STRN: variants seen among roughly 807,000 people sequenced by gnomAD.
STRN encodes the protein striatin.
In STRN, 53 loss-of-function variants were observed where a neutral mutation model predicts 96.3. The observed-to-expected ratio is 0.55, with a 90% CI of 0.44 to 0.69. The LOEUF (loss-of-function observed/expected upper bound fraction) is 0.69, where lower values mean the gene tolerates loss of function less well. STRN is among the 30% of genes least tolerant of loss of function. The probability of loss-of-function intolerance (pLI) is 0.00; values close to 1 mark genes in which losing one functional copy is unlikely to be tolerated. For synonymous variants in STRN, 428 were observed against 355.9 expected, an observed-to-expected ratio of 1.20 and a Z score of -2.28; for missense variants, 987 against 963.9, an observed-to-expected ratio of 1.02 and a Z score of -0.32.
At chr2:36,956,251 A>G (rs927944766) in intron 1 of STRN, among the ~76,000 whole-genome samples, 7 of 152,138 alleles carry the variant, frequency 4.6e-5, no homozygotes, top group African/African-American at 1.7e-4. Flanking sequence ...AAAAAAGCAA[A>G]CCACTTACTG....
chr2:36,921,417 T>C (rs1199941854), intron 2 of STRN, among the ~76,000 whole-genome samples: 2 of 152,200 alleles, frequency 1.3e-5, no homozygotes, highest in Non-Finnish European at 2.9e-5. Context: ...TCTCTCTTGT[T>C]TCCCCAATAC....
intron 8 of STRN, among the ~76,000 whole-genome samples, chr2:36,886,036 C>A (rs1352870759): frequency 6.6e-6 from 1 of 151,952 alleles, no homozygotes; most frequent in African/African-American, 2.4e-5. Context: ...AAACAATTTG[C>A]ATAATGAAAT....
chr2:36,892,573 T>A (rs1208862559), intron 7 of STRN, among the ~76,000 whole-genome samples: 1 of 152,204 alleles, frequency 6.6e-6, no homozygotes. Flanking sequence ...TATATGAAAC[T>A]AAAATCTAAT....
At chr2:36,907,857 T>C (rs1669863643) in intron 3 of STRN, among the ~76,000 whole-genome samples, 1 of 152,008 alleles carries the variant, frequency 6.6e-6, no homozygotes, top group Non-Finnish European at 1.5e-5. Flanking sequence ...AAAAGAACTC[T>C]AAAATAACTA....
chr2:36,903,182 C>T (rs1355715454), intron 4 of STRN, among the ~76,000 whole-genome samples: 3 of 152,138 alleles, frequency 2.0e-5, no homozygotes, highest in Admixed American at 6.5e-5. Flanking sequence ...TCATTACACA[C>T]AAGGTAGTTA....
intron 1 of STRN, among the ~76,000 whole-genome samples, chr2:36,927,536 G>GGGGGGGGT (rs1670447478): frequency 7.9e-6 from 1 of 126,896 alleles, no homozygotes; most frequent in Non-Finnish European, 1.7e-5. Flanking sequence ...GGGGGGGGGG[G>GGGGGGGGT]TGGTAATCAG....
chr2:36,914,252 A>C (rs1316215674), intron 3 of STRN, among the ~76,000 whole-genome samples: 1 of 152,210 alleles, frequency 6.6e-6, no homozygotes, highest in Non-Finnish European at 1.5e-5. Context: ...TGGCCTCCCA[A>C]AGTGGGATTA....
chr2:36,951,958 C>T (rs75815824), intron 1 of STRN, among the ~76,000 whole-genome samples: 3,017 of 152,308 alleles, frequency 0.02, 99 homozygotes, highest in African/African-American at 0.069. Flanking sequence ...CTACTGTGAA[C>T]AGCCCATGCG....
chr2:36,914,570 C>T (rs1670042959), intron 3 of STRN, among the ~76,000 whole-genome samples: 1 of 152,154 alleles, frequency 6.6e-6, no homozygotes, highest in Non-Finnish European at 1.5e-5. Flanking sequence ...ACTGGCATTG[C>T]TCTAGATCTC....
At chr2:36,894,693 TACTC>T (rs1475392084) in intron 6 of STRN, among the ~76,000 whole-genome samples, 5 of 152,244 alleles carry the variant, frequency 3.3e-5, no homozygotes, top group Non-Finnish European at 7.3e-5. Context: ...GACTTCAGCT[TACTC>T]ACTTCATGCA....
intron 3 of STRN, among the ~76,000 whole-genome samples, chr2:36,906,734 T>C (rs1669830362): frequency 6.6e-6 from 1 of 151,838 alleles, no homozygotes; most frequent in Non-Finnish European, 1.5e-5. Context: ...GAGACCAGCC[T>C]GACCAACATG....
intron 3 of STRN, among the ~76,000 whole-genome samples, chr2:36,909,432 C>T (rs1298289496): frequency 6.6e-6 from 1 of 152,012 alleles, no homozygotes; most frequent in Non-Finnish European, 1.5e-5. Context: ...ATTTACCGTC[C>T]TGCTGAACCA....
chr2:36,920,468 G>A (rs575973779), intron 2 of STRN, among the ~76,000 whole-genome samples: 29 of 151,900 alleles, frequency 1.9e-4, no homozygotes, highest in South Asian at 6.2e-4. Flanking sequence ...GAGAAACCCC[G>A]TCTCTAACAA....
At chr2:36,871,093 A>G (rs973788639) in intron 10 of STRN, among the ~76,000 whole-genome samples, 2 of 152,256 alleles carry the variant, frequency 1.3e-5, no homozygotes, top group African/African-American at 4.8e-5. Context: ...CTGTGTCAAA[A>G]TGTTTTTAAA....
intron 5 of STRN, among the ~76,000 whole-genome samples, chr2:36,901,524 C>A (rs1268883395): frequency 1.4e-5 from 2 of 147,324 alleles, no homozygotes; most frequent in Admixed American, 6.9e-5. Flanking sequence ...TGCACTCCAG[C>A]CTGGGTGACA....
At chr2:36,931,570 TG>T (rs1670574984) in intron 1 of STRN, among the ~76,000 whole-genome samples, 1 of 152,216 alleles carries the variant, frequency 6.6e-6, no homozygotes, top group African/African-American at 2.4e-5. Context: ...ACTTTGTGCC[TG>T]GCAGTTATTG....
At chr2:36,878,800 T>A (rs559741908) in intron 9 of STRN, among the ~76,000 whole-genome samples, 1 of 152,282 alleles carries the variant, frequency 6.6e-6, no homozygotes, top group East Asian at 1.9e-4. Flanking sequence ...TCACCCAGGC[T>A]GGAGTGCAGT....
chr2:36,905,143 G>A (rs1669789635), intron 4 of STRN, among the ~76,000 whole-genome samples: 1 of 151,906 alleles, frequency 6.6e-6, no homozygotes. Context: ...CTAATTTTGT[G>A]TTTTTAGTAG....
intron 15 of STRN, among the ~76,000 whole-genome samples, chr2:36,854,257 A>G (rs1668290132): frequency 1.3e-5 from 2 of 152,160 alleles, no homozygotes; most frequent in South Asian, 4.1e-4. Flanking sequence ...TTTTAAATTT[A>G]TTGAGAGTCT....
Sources: allele counts gnomAD v4.1 joint callset (sites outside exome capture counted in the v4.1 genomes callset), GRCh38; gene constraint gnomAD v4.1.1; transcripts MANE v1.5; gene names NCBI Gene and HGNC (gene_info 2026-07-23, HGNC 2026-07-21).